Variants in SANBR observed in about 807,000 individuals in gnomAD.
SANBR encodes SANT and BTB domain regulator of class switch recombination.
In SANBR, 77 loss-of-function variants were observed where a neutral mutation model predicts 101.8. The observed-to-expected ratio is 0.76, with a 90% CI of 0.63 to 0.91. The LOEUF is 0.91. Among genes scored for constraint, SANBR ranks in the 40% least tolerant of loss-of-function variants. The probability of loss-of-function intolerance (pLI) is 0.00; values close to 1 mark genes in which losing one functional copy is unlikely to be tolerated. For missense variants in SANBR, 875 were observed against 853.0 expected, an observed-to-expected ratio of 1.03 and a Z score of -0.32; for synonymous variants, 279 against 274.7, an observed-to-expected ratio of 1.02 and a Z score of -0.15.
chr2:61,081,609 G>T (rs1487510382), intron 7 of SANBR, 99 bp downstream of exon 7: 2 of 1,236,688 alleles, frequency 1.6e-6, no homozygotes, highest in African/African-American at 1.6e-5. Flanking sequence ...TAAAATTATT[G>T]TTAATTGAAA....
At chr2:61,077,475 T>C (rs1203220969) in intron 6 of SANBR, among the ~76,000 whole-genome samples, 3 of 152,102 alleles carry the variant, frequency 2.0e-5, no homozygotes, top group Non-Finnish European at 4.4e-5. Context: ...ACTTTCTCAC[T>C]GTGTTGCTCA....
chr2:61,067,886 TA>T (rs1435486584), intron 1 of SANBR, among the ~76,000 whole-genome samples: 1 of 152,218 alleles, frequency 6.6e-6, no homozygotes, highest in South Asian at 2.1e-4. Context: ...GATTCAAAAC[TA>T]AATTGATTAA....
At chr2:61,109,344 T>G in intron 16 of SANBR, 48 bp downstream of exon 16, 47 of 1,083,828 alleles carry the variant, frequency 4.3e-5, no homozygotes, top group Non-Finnish European at 5.9e-5. Context: ...ATGAAGGGGT[T>G]ACATTCTGAA....
In SANBR at chr2:61,070,391, A is replaced by G. The variant is rs148252170; in HGVS notation, c.41A>G (p.Asn14Ser). 63 of 1,598,110 alleles carry G rather than the reference A, an allele frequency of 3.9e-5. No homozygotes were observed. The highest frequency in any genetic ancestry group is 1.6e-4 in the African/African-American group (12 of 74,058). The change falls in exon 3 of 22, where the codon AAT becomes AGT. Residue 14 changes from asparagine (N) to serine (S), a missense_variant. Transcript: ENST00000402291. ...TCAGAAAACAACAATTTCCTGAACA[A>G]TAATAACCAAATGGTATTGGACATG... ...GYSENNNFLN[N>S]NNQMVLDMIL...
At chr2:61,115,004 G>T (rs1314990546) in intron 16 of SANBR, among the ~76,000 whole-genome samples, 1 of 152,126 alleles carries the variant, frequency 6.6e-6, no homozygotes, top group Non-Finnish European at 1.5e-5. Flanking sequence ...GTTCATGAGA[G>T]ATATTTGTAG....
chr2:61,077,120 A>C lies in SANBR; in HGVS notation c.632A>C (p.Asn211Thr). The change falls in exon 6 of 22, where the codon AAC becomes ACC. Residue 211 changes from asparagine (N) to threonine (T), a missense_variant. Transcript: ENST00000402291. Reference protein sequence around the residue: ...FNWLIKYIKRNTKENKDCEMP... With the variant: ...FNWLIKYIKRTTKENKDCEMP... Reference sequence around the variant, plus strand: ...TGGTTGATAAAATACATTAAAAGGAACACTAAGGAGAATAAAGATTGTGAG... The same window carrying C: ...TGGTTGATAAAATACATTAAAAGGACCACTAAGGAGAATAAAGATTGTGAG... 1 of 1,613,366 alleles carries C rather than the reference A, an allele frequency of 6.2e-7. No homozygotes were observed. The highest frequency in any genetic ancestry group is 8.5e-7 in the Non-Finnish European group (1 of 1,179,332).
intron 20 of SANBR, among the ~76,000 whole-genome samples, chr2:61,131,367 A>G (rs977361407): frequency 3.3e-5 from 5 of 152,258 alleles, no homozygotes; most frequent in Non-Finnish European, 7.3e-5. Flanking sequence ...TATAGGATCA[A>G]TATGAAGAAA....
chr2:61,106,449 C>A, intron 13 of SANBR, 114 bp from the exon 14 acceptor site: 2 of 594,902 alleles, frequency 3.4e-6, no homozygotes, highest in Non-Finnish European at 6.0e-6. Flanking sequence ...TCCTTATACT[C>A]AGGAACTGTA....
Position 61,088,397 on chromosome 2 carries a change from A to T in SANBR, c.1017A>T (p.Glu339Asp), listed in dbSNP as rs1682562188. Residue 339 changes from glutamate (E) to aspartate (D), a missense_variant, in exon 10 of 22, where the codon GAA becomes GAT. Coordinates refer to ENST00000402291, the MANE Select transcript of SANBR (RefSeq NM_001129993.3). ...AGAAACTTTTAACAAAAGAAACAGA[A>T]AGAAGAATTCCTTGCATTCCTGGAA... Reference protein sequence around the residue: ...LCKKLLTKETERRIPCIPGKI... With the variant: ...LCKKLLTKETDRRIPCIPGKI... 3.7e-6 allele frequency: 6 copies of T among 1,604,694 alleles called. No individual in the cohort carries two copies. The East Asian group carries it at 1.3e-4, about 36-fold the overall frequency.
intron 10 of SANBR, chr2:61,090,718 T>TGTGTGTGTGTGTGTGTG (rs1682704248): frequency 1.4e-5 from 2 of 143,142 alleles, no homozygotes; most frequent in African/African-American, 2.6e-5. Context: ...GGCACAGGGT[T>TGTGTGTGTGTGTGTGTG]TGTGTGTGTG....
intron 6 of SANBR, among the ~76,000 whole-genome samples, chr2:61,078,514 C>T (rs953203117): frequency 6.6e-6 from 1 of 151,934 alleles, no homozygotes; most frequent in Non-Finnish European, 1.5e-5. Flanking sequence ...CTCTGCCTCC[C>T]GGGTTCAAGC....
chr2:61,102,684 G>T (rs1164229753), intron 12 of SANBR, among the ~76,000 whole-genome samples: 1 of 151,766 alleles, frequency 6.6e-6, no homozygotes, highest in East Asian at 1.9e-4. Context: ...TTACAGGTGC[G>T]TGCCACCATG....
chr2:61,076,939 G>A lies in SANBR; in HGVS notation c.451G>A (p.Val151Met). Residue 151 changes from valine to methionine, a missense_variant, in exon 6 of 22, where the codon GTG (valine) becomes ATG (methionine). Transcript: ENST00000402291. The stretch of plus-strand genomic sequence containing the variant: ...ATGAAGGCCAAACATGGTGATCCAT[G>A]TGTGTGATGAAGCAAAAAACTTGAA... Reference protein sequence around the residue: ...ESEGPNMVIHVCDEAKNLKED... With the variant: ...ESEGPNMVIHMCDEAKNLKED... 6.2e-7 allele frequency: 1 copy of A among 1,613,336 alleles called. No homozygotes were observed. Among genetic ancestry groups the A allele is most frequent in the South Asian group, 1.1e-5 (1 of 91,008 alleles).
intron 16 of SANBR, among the ~76,000 whole-genome samples, chr2:61,113,475 A>G (rs1683931578): frequency 6.6e-6 from 1 of 152,086 alleles, no homozygotes; most frequent in African/African-American, 2.4e-5. Flanking sequence ...ATATCTCTCC[A>G]TTTATATAGG....
downstream of SANBR, among the ~76,000 whole-genome samples, chr2:61,124,746 A>G (rs1341492533): frequency 6.6e-6 from 1 of 152,080 alleles, no homozygotes; most frequent in East Asian, 1.9e-4. Flanking sequence ...TTATGCTGGT[A>G]AAGATTTATT....
At chr2:61,112,090 G>T (rs925982391) in intron 16 of SANBR, among the ~76,000 whole-genome samples, 1 of 152,076 alleles carries the variant, frequency 6.6e-6, no homozygotes, top group Non-Finnish European at 1.5e-5. Context: ...AGATCATATG[G>T]TAAGTGTATG....
chr2:61,076,773 C>T, intron 5 of SANBR, 147 bp from the exon 6 acceptor site: 1 of 628,486 alleles, frequency 1.6e-6, no homozygotes, highest in Non-Finnish European at 2.8e-6. Flanking sequence ...TAGCAAGACA[C>T]TTGAAAAATG....
chr2:61,105,549 G>A (rs1318378759), intron 13 of SANBR, among the ~76,000 whole-genome samples: 2 of 151,210 alleles, frequency 1.3e-5, no homozygotes, highest in East Asian at 4.0e-4. Flanking sequence ...TGTATTTTTA[G>A]TAGAGACAGG....
intron 6 of SANBR, among the ~76,000 whole-genome samples, chr2:61,078,409 A>G (rs1211687893): frequency 1.3e-5 from 2 of 152,062 alleles, no homozygotes; most frequent in African/African-American, 4.8e-5. Flanking sequence ...AAAAAATATC[A>G]AACAGTGCTA....
Sources: gnomAD v4.1 joint callset for allele counts (sites outside exome capture counted in the v4.1 genomes callset) on GRCh38, gnomAD v4.1.1 for gene constraint, MANE v1.5 for transcripts, NCBI Gene and HGNC (gene_info 2026-07-23, HGNC 2026-07-21) for gene names.